Variants in CCDC150 observed in about 807,000 individuals in gnomAD.
CCDC150 encodes the protein coiled-coil domain containing 150, also known as coiled-coil domain-containing protein 150.
In CCDC150, 151 loss-of-function variants were observed where a neutral mutation model predicts 156.5. That is an observed-to-expected ratio of 0.97 (90% CI 0.85 to 1.10). CCDC150 has a LOEUF of 1.10. CCDC150 is among the 50% of genes least tolerant of loss of function. The probability of loss-of-function intolerance (pLI) is 0.00; values close to 1 mark genes in which losing one functional copy is unlikely to be tolerated. For synonymous variants in CCDC150, 452 were observed against 429.4 expected (o/e 1.05, Z -0.65); for missense variants, 1,312 against 1,268.1 (o/e 1.03, Z -0.53).
At chr2:196,712,596 G>A in intron 16 of CCDC150, 81 bp from the exon 17 acceptor site, 1 of 890,246 alleles carries the variant, frequency 1.1e-6, no homozygotes, top group South Asian at 1.5e-5. Flanking sequence ...TAGAAGCAGT[G>A]AGAAATGCTT....
At chr2:196,693,172 C>G (rs1296657924) in intron 13 of CCDC150, among the ~76,000 whole-genome samples, 2 of 152,094 alleles carry the variant, frequency 1.3e-5, no homozygotes, top group African/African-American at 4.8e-5. Context: ...GTAGATTCTC[C>G]TCCATTATTT....
At chr2:196,674,164 C>T (rs1694362128) in intron 9 of CCDC150, 77 bp from the exon 10 acceptor site, 3 of 850,946 alleles carry the variant, frequency 3.5e-6, no homozygotes, top group African/African-American at 3.4e-5. Flanking sequence ...ACTATGCAAT[C>T]ATTAAAAATA....
intron 23 of CCDC150, 196 bp from the exon 24 acceptor site, chr2:196,729,597 C>T: frequency 3.1e-6 from 2 of 652,010 alleles, no homozygotes; most frequent in Non-Finnish European, 2.7e-6. Context: ...CATTCCGGCT[C>T]CCTATCTGTC....
chr2:196,642,821 C>G (rs1692314488), intron 1 of CCDC150, among the ~76,000 whole-genome samples: 1 of 152,142 alleles, frequency 6.6e-6, no homozygotes, highest in Admixed American at 6.5e-5. Flanking sequence ...CTCACTGCAG[C>G]CTCTACCTCC....
At chr2:196,726,755 G>C (rs1698230949) in intron 22 of CCDC150, 1 of 152,364 alleles carries the variant, frequency 6.6e-6, no homozygotes, top group Admixed American at 6.5e-5. Context: ...CATGTGAGCA[G>C]ATGAAAAGTA....
At chr2:196,639,851 T>G in intron 1 of CCDC150, 73 bp downstream of exon 1, 1 of 1,327,266 alleles carries the variant, frequency 7.5e-7, no homozygotes, top group Non-Finnish European at 1.0e-6. Flanking sequence ...ATAAGGACAG[T>G]CACCACTCCC....
chr2:196,650,455 G>A (rs565798183), intron 2 of CCDC150, among the ~76,000 whole-genome samples: 11 of 152,210 alleles, frequency 7.2e-5, no homozygotes, highest in African/African-American at 1.2e-4. Flanking sequence ...GTGCAGTGGC[G>A]TAATCTTGGC....
intron 13 of CCDC150, among the ~76,000 whole-genome samples, chr2:196,678,327 G>A (rs560564351): frequency 7.6e-4 from 115 of 152,288 alleles, no homozygotes; most frequent in Admixed American, 1.4e-3. Context: ...TGCCCAAGTA[G>A]CATTTGTATT....
chr2:196,691,852 A>C (rs910174813), intron 13 of CCDC150, among the ~76,000 whole-genome samples: 1 of 152,180 alleles, frequency 6.6e-6, no homozygotes, highest in East Asian at 1.9e-4. Flanking sequence ...GAGGAAGAAG[A>C]ATTGCTTGAA....
chr2:196,715,198 G>C (rs1697420668), intron 17 of CCDC150, among the ~76,000 whole-genome samples: 1 of 152,130 alleles, frequency 6.6e-6, no homozygotes, highest in South Asian at 2.1e-4. Flanking sequence ...ATGTATACAA[G>C]GTCACTTACT....
intron 2 of CCDC150, among the ~76,000 whole-genome samples, chr2:196,646,996 G>GT (rs1364983158): frequency 9.9e-5 from 15 of 152,066 alleles, no homozygotes; most frequent in Non-Finnish European, 1.3e-4. Flanking sequence ...TTCTAAAGAA[G>GT]TTATTAAAAG....
At chr2:196,670,148 TAATG>T (rs1694116775) in intron 8 of CCDC150, among the ~76,000 whole-genome samples, 1 of 152,200 alleles carries the variant, frequency 6.6e-6, no homozygotes, top group Non-Finnish European at 1.5e-5. Flanking sequence ...AAAATAAACT[TAATG>T]AAATGTAAGA....
intron 22 of CCDC150, 198 bp downstream of exon 22, chr2:196,726,297 G>A (rs1161517944): frequency 1.6e-5 from 8 of 486,832 alleles, no homozygotes; most frequent in African/African-American, 7.8e-5. Context: ...CGACAAAGGT[G>A]TGCCTTGATG....
chr2:196,730,903 A>G lies in CCDC150; in HGVS notation c.3027A>G (p.Ala1009=). Residue 1009 remains alanine (A), a synonymous_variant, in exon 26 of 28, where the codon GCA becomes GCG. Coordinates refer to ENST00000389175, the MANE Select transcript of CCDC150 (RefSeq NM_001080539.2). ...TVRHLKKCKE[A]TENTLKEASV... is the part of the protein sequence containing the mutation. ...GACACCTGAAGAAATGTAAAGAGGC[A>G]ACAGAGAATACGCTGAAAGAAGCCA... 1.2e-6 allele frequency: 2 copies of G among 1,602,516 alleles called. No individual in the cohort carries two copies. Among genetic ancestry groups the G allele is most frequent in the Non-Finnish European group, 1.7e-6 (2 of 1,174,364 alleles).
chr2:196,732,576 G>A lies in CCDC150; in HGVS notation c.*14G>A. ...CAGAGGAAGTGATGTCCTTGACAAG[G>A]GAGCTTCTTTATGTGTAGCTACACT... On this transcript the variant is annotated 3_prime_UTR_variant, in exon 28 of 28. Transcript: ENST00000389175. 1.3e-6 allele frequency: 2 copies of A among 1,551,630 alleles called. No individual in the cohort carries two copies. The highest frequency in any genetic ancestry group is 1.4e-5 in the African/African-American group (1 of 73,724).
chr2:196,690,787 T>C lies in CCDC150; in HGVS notation c.1510-4259T>C, dbSNP rs183710778. 1.5e-4 allele frequency among the ~76,000 whole-genome samples: 23 copies of C among 152,326 alleles called. No homozygotes were observed. In the East Asian group the frequency reaches 3.9e-3, roughly 26 times the overall value. On this transcript the variant is annotated intron_variant, in intron 13 of 27. Transcript: ENST00000389175. ...AGGGCATGCTTGTCTTGTGCCAGTT[T>C]TCAAGGGAAATGGCTCTACCTTTTG...
intron 2 of CCDC150, among the ~76,000 whole-genome samples, chr2:196,654,310 T>A (rs1410029909): frequency 2.6e-5 from 4 of 151,538 alleles, no homozygotes; most frequent in African/African-American, 9.8e-5. Context: ...AGTTTTTTTT[T>A]TATTATTATT....
chr2:196,645,280 C>T (rs533024012), intron 1 of CCDC150, among the ~76,000 whole-genome samples: 1 of 152,326 alleles, frequency 6.6e-6, no homozygotes, highest in Admixed American at 6.5e-5. Flanking sequence ...CCAGTCCTCC[C>T]ACTTCATGAA....
At chr2:196,682,176 A>G (rs1421530278) in intron 13 of CCDC150, among the ~76,000 whole-genome samples, 2 of 152,032 alleles carry the variant, frequency 1.3e-5, no homozygotes, top group African/African-American at 2.4e-5. Context: ...TTGGCTACAG[A>G]TATACAATTG....
Sources: allele counts gnomAD v4.1 joint callset (sites outside exome capture counted in the v4.1 genomes callset), GRCh38; gene constraint gnomAD v4.1.1; transcripts MANE v1.5; gene names NCBI Gene and HGNC (gene_info 2026-07-23, HGNC 2026-07-21).